The following AGAP1 variants were observed in gnomAD, a reference collection of about 807,000 sequenced individuals.
The protein encoded by AGAP1 is arf-GAP with GTPase, ANK repeat and PH domain-containing protein 1.
AGAP1 carries 29 observed loss-of-function variants against 105.3 expected under a neutral mutation model. The ratio of observed to expected loss-of-function variants is 0.28; its 90% CI spans 0.21 to 0.38. The LOEUF is 0.38. Ranked by LOEUF, AGAP1 falls within the 10% of genes least tolerant of loss-of-function variation. AGAP1 has a pLI of 1.00. For missense variants in AGAP1, 998 were observed against 1,165.1 expected (o/e 0.86, Z 2.09); for synonymous variants, 509 against 485.9 (o/e 1.05, Z -0.63).
At chr2:235,922,437 C>G (rs895762595) in intron 11 of AGAP1, among the ~76,000 whole-genome samples, 1 of 152,166 alleles carries the variant, frequency 6.6e-6, no homozygotes, top group African/African-American at 2.4e-5. Context: ...TTCAGGCTTA[C>G]TTAACCAATA....
intron 3 of AGAP1, among the ~76,000 whole-genome samples, chr2:235,735,840 T>G (rs777277740): frequency 1.1e-4 from 17 of 152,058 alleles, no homozygotes; most frequent in Non-Finnish European, 2.4e-4. Context: ...ACCAGAAACC[T>G]AATACATTGC....
intron 9 of AGAP1, among the ~76,000 whole-genome samples, chr2:235,816,984 A>G (rs1226028669): frequency 6.6e-6 from 1 of 152,216 alleles, no homozygotes; most frequent in Non-Finnish European, 1.5e-5. Flanking sequence ...ACAGTTCCTG[A>G]CAGCAGACTC....
rs1951107421 is a variant in AGAP1, at chr2:235,716,415, G to T, written c.223-1142G>T. Among the ~76,000 whole-genome samples, 3 of 152,268 alleles carry T rather than the reference G, an allele frequency of 2.0e-5. No individual in the cohort carries two copies. In the East Asian group the frequency reaches 5.8e-4, roughly 30 times the overall value. ...ATGGAAGTTGCGGGTGACCTAGTGG[G>T]CAGTTTCCTGGTAGCAACAGGGCCA... On this transcript the variant is annotated intron_variant, in intron 2 of 17. Transcript: ENST00000304032. This position sits in a 1 kb window ranked among gnomAD's most constrained non-coding sequence, Gnocchi z 4.0.
At chr2:235,516,434 C>A (rs1394610201) in intron 1 of AGAP1, among the ~76,000 whole-genome samples, 2 of 152,090 alleles carry the variant, frequency 1.3e-5, no homozygotes, top group Non-Finnish European at 2.9e-5. Flanking sequence ...TATGTCATGT[C>A]TAAGAAGAGT....
intron 6 of AGAP1, among the ~76,000 whole-genome samples, chr2:235,795,909 T>C (rs2150033676): frequency 6.6e-6 from 1 of 152,330 alleles, no homozygotes; most frequent in Non-Finnish European, 1.5e-5. Context: ...GAACATTCAT[T>C]TGCATTTGAA....
At position 235,767,777 on chromosome 2, in the gene AGAP1, C is replaced by CTTTTT. The variant is rs71414307; in HGVS notation, c.673+17310_673+17314dup. 2.3e-3 allele frequency among the ~76,000 whole-genome samples: 143 copies of CTTTTT among 62,036 alleles called. 1 individual carries two copies. Among genetic ancestry groups the CTTTTT allele is most frequent in the Middle Eastern group, 0.017 (1 of 60 alleles). 40.7% of individuals were successfully genotyped at this position (62,036 alleles called of 152,430 possible). On this transcript the variant is annotated intron_variant, in intron 6 of 17. Coordinates refer to ENST00000304032, the MANE Select transcript of AGAP1 (RefSeq NM_001037131.3). ...GGTATAGAATCTTCCAGTTTCTTGT[C>CTTTTT]TTTTTTTTTTTTTTTTTTTTTTTTT... is the stretch of plus-strand genomic sequence containing the variant.
rs1473486341 is a variant in AGAP1 at position 236,078,683 on chromosome 2, G to A, written c.2114+29402G>A. ...CTCCAGATGGGTTTCACACACGTCT[G>A]TCCCCTACCTGGCTCCTGTGGCTGG... On this transcript the variant is annotated intron_variant, in intron 16 of 17. Coordinates refer to ENST00000304032, the MANE Select transcript of AGAP1 (RefSeq NM_001037131.3). This position sits in a 1 kb window ranked among gnomAD's most constrained non-coding sequence, Gnocchi z 5.3. Among the ~76,000 whole-genome samples the A allele has an allele frequency of 1.3e-5, 2 of 152,174 alleles. No individual in the cohort carries two copies. The highest frequency in any genetic ancestry group is 2.9e-5 in the Non-Finnish European group (2 of 68,032).
rs1199175416 is a variant in AGAP1 at position 235,582,402 on chromosome 2, A to T, written c.163+87553A>T. Among the ~76,000 whole-genome samples the T allele has an allele frequency of 6.6e-6, 1 of 152,184 alleles. No individual in the cohort carries two copies. The highest frequency in any genetic ancestry group is 1.5e-5 in the Non-Finnish European group (1 of 68,032). ...GCTGGACAGGAGCCACACAGTGTAGAAGCGACTTGCCCTAAATGCCTCATT... is the reference window on the plus strand; with the variant it reads ...GCTGGACAGGAGCCACACAGTGTAGTAGCGACTTGCCCTAAATGCCTCATT... On this transcript the variant is annotated intron_variant, in intron 1 of 17. Transcript: ENST00000304032. This position sits in a 1 kb window ranked among gnomAD's most constrained non-coding sequence, Gnocchi z 4.7.
Position 235,690,518 on chromosome 2 carries a change from G to A in AGAP1, c.164-18661G>A, listed in dbSNP as rs186815758. On this transcript the variant is annotated intron_variant, in intron 1 of 17. Transcript: ENST00000304032. This position sits in a 1 kb window ranked among gnomAD's most constrained non-coding sequence, Gnocchi z 4.1. Reference sequence around the variant, plus strand: ...AAAGCATGGTTTATTCCTAGCTTCCGGTAGAGGAGGCTGGCCAACTCAGAC... The same window carrying A: ...AAAGCATGGTTTATTCCTAGCTTCCAGTAGAGGAGGCTGGCCAACTCAGAC... Among the ~76,000 whole-genome samples the A allele has an allele frequency of 1.4e-4, 22 of 152,316 alleles. No individual in the cohort carries two copies. In the East Asian group the frequency reaches 1.7e-3, roughly 12 times the overall value.
At chr2:235,567,179 C>T (rs1676708349) in intron 1 of AGAP1, among the ~76,000 whole-genome samples, 1 of 152,250 alleles carries the variant, frequency 6.6e-6, no homozygotes, top group Non-Finnish European at 1.5e-5. Flanking sequence ...AGCGGGCAGC[C>T]CTTGGCAGAG....
chr2:235,848,417 T>C (rs537186210), intron 9 of AGAP1, among the ~76,000 whole-genome samples: 1 of 152,340 alleles, frequency 6.6e-6, no homozygotes, highest in Non-Finnish European at 1.5e-5. Context: ...CTCTTCTTTC[T>C]AACACTGGGA....
intron 16 of AGAP1, among the ~76,000 whole-genome samples, chr2:236,066,048 C>A (rs1192575736): frequency 6.6e-6 from 1 of 152,166 alleles, no homozygotes; most frequent in Admixed American, 6.5e-5. Flanking sequence ...TAATGGCTTG[C>A]CCATGTGTCC....
chr2:236,071,921 G>C (rs932515894), intron 16 of AGAP1, among the ~76,000 whole-genome samples: 1 of 152,126 alleles, frequency 6.6e-6, no homozygotes, highest in South Asian at 2.1e-4. Context: ...AACCAATCCA[G>C]ATCTTGGAAT....
chr2:235,763,860 G>A (rs1435772076), intron 6 of AGAP1, among the ~76,000 whole-genome samples: 2 of 152,320 alleles, frequency 1.3e-5, no homozygotes, highest in East Asian at 1.9e-4. Flanking sequence ...AGGATGACAC[G>A]TGGGACCCAG....
In AGAP1 at chr2:235,725,383, G is replaced by T. The variant is rs2149583589; in HGVS notation, c.310+7739G>T. 6.6e-6 allele frequency among the ~76,000 whole-genome samples: 1 copy of T among 152,070 alleles called. No homozygotes were observed. Among genetic ancestry groups the T allele is most frequent in the South Asian group, 2.1e-4 (1 of 4,810 alleles). ...GGGACACATGAAGTGTGTTTAAGCT[G>T]TCAGCTCCAAAAACCCTTTCCAAGT... On this transcript the variant is annotated intron_variant, in intron 3 of 17. Transcript: ENST00000304032. The surrounding 1 kb of genome is among the most constrained non-coding windows in gnomAD (Gnocchi z 5.7).
rs146666263 is a variant in AGAP1, at chr2:236,078,444, G to A, written c.2114+29163G>A. Among the ~76,000 whole-genome samples the A allele has an allele frequency of 0.034, 5,203 of 152,236 alleles. 143 individuals are homozygous for A. Among genetic ancestry groups the A allele is most frequent in the Middle Eastern group, 0.054 (16 of 294 alleles). On this transcript the variant is annotated intron_variant, in intron 16 of 17. Coordinates refer to ENST00000304032, the MANE Select transcript of AGAP1 (RefSeq NM_001037131.3). This position sits in a 1 kb window ranked among gnomAD's most constrained non-coding sequence, Gnocchi z 5.3. ...GTGTGTGATGAAATCACTGGCCGCCGTGGCCTGGCCAGGTTGACATGTGAA... is the reference window on the plus strand; with the variant it reads ...GTGTGTGATGAAATCACTGGCCGCCATGGCCTGGCCAGGTTGACATGTGAA...
intron 1 of AGAP1, among the ~76,000 whole-genome samples, chr2:235,647,115 C>T (rs1172138662): frequency 1.7e-5 from 2 of 121,140 alleles, no homozygotes; most frequent in African/African-American, 7.6e-5. Flanking sequence ...CCCGAGACTC[C>T]GTCTCAAAAA....
chr2:235,821,382 ATTT>A (rs200107062), intron 9 of AGAP1, among the ~76,000 whole-genome samples: 3 of 133,798 alleles, frequency 2.2e-5, no homozygotes, highest in Non-Finnish European at 3.2e-5. Flanking sequence ...CAGAACTTCA[ATTT>A]TTTTTTTTTT....
At chr2:235,571,001 G>T (rs78698011) in intron 1 of AGAP1, among the ~76,000 whole-genome samples, 2,302 of 152,322 alleles carry the variant, frequency 0.015, 71 homozygotes, top group African/African-American at 0.051. Context: ...TCAGCTTCAG[G>T]GTGGCCTCAG....
Sources: gnomAD v4.1 joint callset for allele counts (sites outside exome capture counted in the v4.1 genomes callset) on GRCh38, gnomAD v4.1.1 for gene constraint, Gnocchi (gnomAD v3.1) non-coding constraint, MANE v1.5 for transcripts, NCBI Gene and HGNC (gene_info 2026-07-23, HGNC 2026-07-21) for gene names.